The following ADAMTSL1 variants were observed in gnomAD, a reference collection of about 807,000 sequenced individuals.
ADAMTSL1 encodes the protein ADAMTS like 1.
Under a neutral mutation model 201.8 loss-of-function variants are expected in ADAMTSL1, and 126 were observed. That is an observed-to-expected ratio of 0.62 (90% CI 0.54 to 0.72). ADAMTSL1 has a LOEUF of 0.72. Among genes scored for constraint, ADAMTSL1 ranks in the 30% least tolerant of loss-of-function variants. The pLI is 0.00. For synonymous variants in ADAMTSL1, 1,121 were observed against 903.4 expected (o/e 1.24, Z -4.32); for missense variants, 2,679 against 2,277.8 (o/e 1.18, Z -3.59).
chr9:18,904,513 A>T (rs1474224792), intron 26 of ADAMTSL1, among the ~76,000 whole-genome samples: 2 of 151,432 alleles, frequency 1.3e-5, no homozygotes, highest in East Asian at 3.9e-4. Flanking sequence ...TAAAGAGAGA[A>T]ATTTTAGCCA....
chr9:18,437,908 A>C (rs1213165365), intron 2 of ADAMTSL1, among the ~76,000 whole-genome samples: 1 of 152,068 alleles, frequency 6.6e-6, no homozygotes, highest in Non-Finnish European at 1.5e-5. Context: ...AGCTGTTAAC[A>C]CTGATACACT....
chr9:18,701,461 C>T lies in ADAMTSL1; in HGVS notation c.1575-5286C>T, dbSNP rs531732358. 5.3e-5 allele frequency among the ~76,000 whole-genome samples: 8 copies of T among 152,256 alleles called. No homozygotes were observed. The South Asian group carries it at 1.7e-3, about 32-fold the overall frequency. On this transcript the variant is annotated intron_variant, in intron 13 of 28. Coordinates refer to ENST00000380548, the MANE Select transcript of ADAMTSL1 (RefSeq NM_001040272.6). ...TCTCAAACTCCTGACTTCAGGCGATCCGCCCACCTCAGCCTCCCAAAGTGC... is the reference window on the plus strand; with the variant it reads ...TCTCAAACTCCTGACTTCAGGCGATTCGCCCACCTCAGCCTCCCAAAGTGC...
intron 15 of ADAMTSL1, among the ~76,000 whole-genome samples, chr9:18,750,960 G>A (rs909627744): frequency 5.3e-5 from 8 of 152,172 alleles, no homozygotes; most frequent in African/African-American, 1.7e-4. Context: ...CCCCACCACC[G>A]TGAGTGGGCA....
chr9:18,728,563 C>T (rs953633209), intron 15 of ADAMTSL1, among the ~76,000 whole-genome samples: 2 of 152,010 alleles, frequency 1.3e-5, no homozygotes, highest in Non-Finnish European at 2.9e-5. Context: ...AAAGGAGTTA[C>T]CAGTTAATAG....
At chr9:18,682,856 G>A (rs1830588484) in intron 12 of ADAMTSL1, among the ~76,000 whole-genome samples, 1 of 152,024 alleles carries the variant, frequency 6.6e-6, no homozygotes, top group South Asian at 2.1e-4. Context: ...AAAAAAAACA[G>A]AAATCCTGAT....
chr9:18,554,955 A>ATAT (rs1564042459), intron 3 of ADAMTSL1, among the ~76,000 whole-genome samples: 16 of 151,726 alleles, frequency 1.1e-4, no homozygotes, highest in African/African-American at 3.6e-4. Flanking sequence ...TGTAAGGAAC[A>ATAT]TATATCCACC....
chr9:18,817,840 C>T (rs533733395), intron 21 of ADAMTSL1, among the ~76,000 whole-genome samples: 1 of 152,202 alleles, frequency 6.6e-6, no homozygotes, highest in East Asian at 1.9e-4. Flanking sequence ...AGAAAGATGG[C>T]AAGAGGTAAG....
intron 1 of ADAMTSL1, among the ~76,000 whole-genome samples, chr9:18,004,358 A>C (rs1377396401): frequency 3.9e-5 from 6 of 151,956 alleles, no homozygotes; most frequent in Admixed American, 3.9e-4. Flanking sequence ...CTTCCATAGG[A>C]AGCAGATTCA....
chr9:17,923,445 C>G (rs1276160476), intron 1 of ADAMTSL1, among the ~76,000 whole-genome samples: 5 of 149,678 alleles, frequency 3.3e-5, no homozygotes, highest in Admixed American at 6.7e-5. Context: ...CTCTGTTTGT[C>G]TGTTGTTGGT....
chr9:18,512,744 T>C (rs1429685415), intron 2 of ADAMTSL1, among the ~76,000 whole-genome samples: 1 of 152,198 alleles, frequency 6.6e-6, no homozygotes, highest in African/African-American at 2.4e-5. Context: ...TTTATATGTA[T>C]TGTTATTTTA....
At chr9:18,068,583 G>C (rs492055) in intron 1 of ADAMTSL1, among the ~76,000 whole-genome samples, 152,197 of 152,200 alleles carry the variant, frequency 1, 76,097 homozygotes, top group Middle Eastern at 1. Context: ...ACAAGGAAAG[G>C]CTTCAACCCA....
intron 3 of ADAMTSL1, among the ~76,000 whole-genome samples, chr9:18,559,461 T>C: frequency 6.6e-6 from 1 of 152,220 alleles, no homozygotes; most frequent in East Asian, 1.9e-4. Flanking sequence ...GCTTTGTTCT[T>C]TTTGCTTAGA....
At chr9:17,987,487 G>A (rs911392049) in intron 1 of ADAMTSL1, among the ~76,000 whole-genome samples, 9 of 152,072 alleles carry the variant, frequency 5.9e-5, no homozygotes, top group Admixed American at 1.3e-4. Context: ...GAATTTAAAC[G>A]AAATATGGAA....
chr9:17,934,901 TTA>T (rs1491225839), intron 1 of ADAMTSL1, among the ~76,000 whole-genome samples: 8 of 13,474 alleles, frequency 5.9e-4, no homozygotes, highest in East Asian at 8.5e-3. Context: ...CCTATTTCCT[TTA>T]AAAAAAAAAA....
At chr9:18,795,754 G>A (rs1278310681) in intron 20 of ADAMTSL1, among the ~76,000 whole-genome samples, 1 of 152,194 alleles carries the variant, frequency 6.6e-6, no homozygotes, top group Admixed American at 6.5e-5. Flanking sequence ...AGGTCTTAGG[G>A]TTGCAATGAG....
At chr9:18,176,409 C>T (rs991682674) in intron 2 of ADAMTSL1, among the ~76,000 whole-genome samples, 1 of 152,050 alleles carries the variant, frequency 6.6e-6, no homozygotes, top group Admixed American at 6.6e-5. Context: ...GTATTAATAA[C>T]AATCTTGGTA....
intron 1 of ADAMTSL1, among the ~76,000 whole-genome samples, chr9:18,006,419 A>T (rs1188376769): frequency 6.6e-6 from 1 of 152,018 alleles, no homozygotes; most frequent in African/African-American, 2.4e-5. Context: ...AGCTGGTAGC[A>T]GCTGGCTCCA....
chr9:18,136,621 G>T (rs1169914793), intron 1 of ADAMTSL1, among the ~76,000 whole-genome samples: 1 of 151,996 alleles, frequency 6.6e-6, no homozygotes, highest in Admixed American at 6.6e-5. Context: ...GAGAGGATAA[G>T]ATTTATGTGG....
chr9:18,626,879 CT>C (rs1826410326), intron 5 of ADAMTSL1, among the ~76,000 whole-genome samples: 1 of 72,972 alleles, frequency 1.4e-5, no homozygotes, highest in South Asian at 4.3e-4. Flanking sequence ...GTCTTTCTTC[CT>C]TCCTTCCTTC....
Sources: allele counts gnomAD v4.1 joint callset (sites outside exome capture counted in the v4.1 genomes callset), GRCh38; gene constraint gnomAD v4.1.1; transcripts MANE v1.5; gene names NCBI Gene and HGNC (gene_info 2026-07-23, HGNC 2026-07-21).